TGFA: variants seen among roughly 807,000 people sequenced by gnomAD.
The protein encoded by TGFA is transforming growth factor alpha, also known as protransforming growth factor alpha.
In TGFA, 12 loss-of-function variants were observed where a neutral mutation model predicts 21.7. The observed-to-expected ratio is 0.55, with a 90% CI of 0.35 to 0.90. TGFA has a LOEUF of 0.90. Among genes scored for constraint, TGFA ranks in the 40% least tolerant of loss-of-function variants. The pLI is 0.01. For missense variants in TGFA, 178 were observed against 210.8 expected (o/e 0.84, Z 0.96); for synonymous variants, 79 against 88.1 (o/e 0.90, Z 0.58).
At chr2:70,492,853 T>G (rs1671474219) in intron 2 of TGFA, among the ~76,000 whole-genome samples, 1 of 152,208 alleles carries the variant, frequency 6.6e-6, no homozygotes, top group Non-Finnish European at 1.5e-5. Flanking sequence ...AAAGGTGCCT[T>G]TCATGTTATT....
At chr2:70,543,111 T>TA (rs1478833838) in intron 1 of TGFA, among the ~76,000 whole-genome samples, 2 of 151,416 alleles carry the variant, frequency 1.3e-5, no homozygotes, top group Non-Finnish European at 2.9e-5. Flanking sequence ...CTAAAAAAAA[T>TA]AAAAAGAAAA....
At chr2:70,488,379 G>C (rs1447036232) in intron 2 of TGFA, among the ~76,000 whole-genome samples, 1 of 152,066 alleles carries the variant, frequency 6.6e-6, no homozygotes, top group African/African-American at 2.4e-5. Context: ...TAGTGCATAA[G>C]ACGTATTTCA....
At chr2:70,481,723 G>GTC (rs1218793732) in intron 2 of TGFA, among the ~76,000 whole-genome samples, 41 of 152,122 alleles carry the variant, frequency 2.7e-4, no homozygotes, top group African/African-American at 9.4e-4. Context: ...TGTTCTCTTT[G>GTC]TCTCTCTCTC....
At chr2:70,531,479 C>A (rs1278465046) in intron 1 of TGFA, among the ~76,000 whole-genome samples, 1 of 152,194 alleles carries the variant, frequency 6.6e-6, no homozygotes, top group Admixed American at 6.5e-5. Flanking sequence ...AGTGGGGACA[C>A]CTTCAACTAA....
chr2:70,492,462 C>T (rs571079155), intron 2 of TGFA, among the ~76,000 whole-genome samples: 9 of 152,266 alleles, frequency 5.9e-5, no homozygotes, highest in South Asian at 2.1e-4. Flanking sequence ...TTCTCACCAT[C>T]GCCAGGCAAA....
chr2:70,493,251 C>A (rs782242280), intron 2 of TGFA, among the ~76,000 whole-genome samples: 4 of 152,174 alleles, frequency 2.6e-5, no homozygotes, highest in Non-Finnish European at 4.4e-5. Context: ...TTTCTATGGG[C>A]CAGAGAGCAT....
chr2:70,520,915 A>C (rs1672430634), intron 1 of TGFA, among the ~76,000 whole-genome samples: 1 of 151,956 alleles, frequency 6.6e-6, no homozygotes, highest in South Asian at 2.1e-4. Context: ...CTAGGCAGTC[A>C]TTGTCAGCCC....
At chr2:70,532,689 C>T (rs13027691) in intron 1 of TGFA, among the ~76,000 whole-genome samples, 17,435 of 152,200 alleles carry the variant, frequency 0.11, 1,331 homozygotes, top group African/African-American at 0.21. Context: ...ACTGCCCATC[C>T]TCTCTTAGCC....
At chr2:70,518,749 A>C (rs1672362969) in intron 1 of TGFA, among the ~76,000 whole-genome samples, 1 of 152,104 alleles carries the variant, frequency 6.6e-6, no homozygotes, top group Non-Finnish European at 1.5e-5. Context: ...TTCTGTGGAC[A>C]CTCAGCTATA....
chr2:70,459,219 A>G (rs1399009305), intron 3 of TGFA, among the ~76,000 whole-genome samples: 1 of 151,764 alleles, frequency 6.6e-6, no homozygotes, highest in African/African-American at 2.4e-5. Context: ...TAACACATCA[A>G]TACTGGAGAC....
intron 1 of TGFA, among the ~76,000 whole-genome samples, chr2:70,542,010 G>T (rs782064383): frequency 6.6e-6 from 1 of 152,086 alleles, no homozygotes; most frequent in Non-Finnish European, 1.5e-5. Context: ...AGGTGAGAAG[G>T]GTTCCAGCCA....
chr2:70,464,963 C>T (rs11466255), intron 3 of TGFA, among the ~76,000 whole-genome samples: 3,748 of 152,282 alleles, frequency 0.025, 163 homozygotes, highest in African/African-American at 0.086. Flanking sequence ...CTGTGGCAGT[C>T]GCTGTGGCTC....
chr2:70,516,315 T>C (rs1553501592), intron 1 of TGFA, among the ~76,000 whole-genome samples: 1 of 151,714 alleles, frequency 6.6e-6, no homozygotes, highest in Non-Finnish European at 1.5e-5. Context: ...CTGTGAGGGT[T>C]CCTTGCCCCT....
chr2:70,540,327 T>C (rs782588956), intron 1 of TGFA, among the ~76,000 whole-genome samples: 13 of 152,254 alleles, frequency 8.5e-5, no homozygotes, highest in Non-Finnish European at 1.5e-4. Flanking sequence ...TGGTTCATTA[T>C]AGCCATGATC....
At position 70,489,829 on chromosome 2, in the gene TGFA, C is replaced by T. The variant is rs1671375961; in HGVS notation, c.95-24093G>A. Among the ~76,000 whole-genome samples the T allele has an allele frequency of 2.6e-5, 4 of 152,278 alleles. No homozygotes were observed. The South Asian group carries it at 8.3e-4, about 32-fold the overall frequency. Reference sequence around the variant, plus strand: ...CTTGTTAGAAATGCAGAGTGTCAGGCCTCACCCCTGAGCCACTGAATCTGA... The same window carrying T: ...CTTGTTAGAAATGCAGAGTGTCAGGTCTCACCCCTGAGCCACTGAATCTGA... On this transcript the variant is annotated intron_variant, in intron 2 of 5. Transcript: ENST00000295400.
chr2:70,529,598 C>A (rs12474628), intron 1 of TGFA, among the ~76,000 whole-genome samples: 14,306 of 151,520 alleles, frequency 0.094, 1,009 homozygotes, highest in Admixed American at 0.21. Context: ...TCCCCCCGCC[C>A]CAGTCCTAGA....
At chr2:70,522,291 T>C (rs775044592) in intron 1 of TGFA, among the ~76,000 whole-genome samples, 1 of 152,198 alleles carries the variant, frequency 6.6e-6, no homozygotes, top group Non-Finnish European at 1.5e-5. Flanking sequence ...GGTGTACAGA[T>C]GGGGAATGGG....
intron 1 of TGFA, among the ~76,000 whole-genome samples, chr2:70,524,423 C>T (rs1351841373): frequency 6.6e-6 from 1 of 152,242 alleles, no homozygotes; most frequent in Non-Finnish European, 1.5e-5. Flanking sequence ...TTCCTCTTCC[C>T]CAGGCCTGCT....
intron 3 of TGFA, among the ~76,000 whole-genome samples, 200 bp from the exon 4 acceptor site, chr2:70,456,688 G>A (rs1476700842): frequency 6.6e-6 from 1 of 152,226 alleles, no homozygotes; most frequent in Non-Finnish European, 1.5e-5. Context: ...TGTGGAGAAG[G>A]GAAGGGGAAT....
Sources: gnomAD v4.1 joint callset for allele counts (sites outside exome capture counted in the v4.1 genomes callset) on GRCh38, gnomAD v4.1.1 for gene constraint, MANE v1.5 for transcripts, NCBI Gene and HGNC (gene_info 2026-07-23, HGNC 2026-07-21) for gene names.